The following FGD2 variants were observed in gnomAD, a reference collection of about 807,000 sequenced individuals.
The protein encoded by FGD2 is FYVE, RhoGEF and PH domain containing 2.
In FGD2, 52 loss-of-function variants were observed where a neutral mutation model predicts 75.9. That is an observed-to-expected ratio of 0.69 (90% CI 0.55 to 0.86). The LOEUF is 0.86. FGD2 is among the 40% of genes least tolerant of loss of function. FGD2 has a pLI of 0.00. For missense variants in FGD2, 790 were observed against 872.0 expected, an observed-to-expected ratio of 0.91 and a Z score of 1.18; for synonymous variants, 347 against 348.6, an observed-to-expected ratio of 1.00 and a Z score of 0.05.
rs181839126 is a variant in FGD2, at chr6:37,011,825, C to G, written c.498C>G (p.Leu166=). 5 of 1,614,106 alleles carry G rather than the reference C, an allele frequency of 3.1e-6. No individual in the cohort carries two copies. In the East Asian group the frequency reaches 8.9e-5, roughly 29 times the overall value. The change falls in exon 4 of 16, where the codon CTC becomes CTG. Residue 166 remains leucine (L), a synonymous_variant. Coordinates refer to ENST00000274963, the MANE Select transcript of FGD2 (RefSeq NM_173558.4). ...SIYQFHSQFF[L]PELQRRLDDW... ...ATCAGTTCCATTCTCAGTTCTTCCTCCCAGAGCTGCAGCGGCGCCTGGACG... is the reference window on the plus strand; with the variant it reads ...ATCAGTTCCATTCTCAGTTCTTCCTGCCAGAGCTGCAGCGGCGCCTGGACG...
chr6:37,020,513 G>A (rs752026530), intron 9 of FGD2, 28 bp from the exon 10 acceptor site: 1 of 1,586,852 alleles, frequency 6.3e-7, no homozygotes, highest in Non-Finnish European at 8.6e-7. Flanking sequence ...TGATGAGTCT[G>A]AACTGGTTGC....
chr6:37,021,443 G>C lies in FGD2; in HGVS notation c.1234-69G>C, dbSNP rs532111923. Reference sequence around the variant, plus strand: ...AGCCCTGTCTGTTGCATGCACGGAAGGATGGACAGAGGAGCAATCCCTCCC... The same window carrying C: ...AGCCCTGTCTGTTGCATGCACGGAACGATGGACAGAGGAGCAATCCCTCCC... On this transcript the variant is annotated intron_variant, in intron 11 of 15. Coordinates refer to ENST00000274963, the MANE Select transcript of FGD2 (RefSeq NM_173558.4). 1.3e-4 allele frequency: 184 copies of C among 1,395,090 alleles called. No individual in the cohort carries two copies. The African/African-American group carries it at 2.4e-3, about 18-fold the overall frequency. 86.4% of individuals were successfully genotyped at this position (1,395,090 alleles called of 1,614,324 possible). A position where few individuals can be genotyped will look rare whatever the true frequency, so the allele number is the denominator to read the frequency against.
At position 37,014,740 on chromosome 6, in the gene FGD2, C is replaced by G. The variant is rs753657573; in HGVS notation, c.882+36C>G. 2.5e-6 allele frequency: 4 copies of G among 1,613,334 alleles called. No individual in the cohort carries two copies. The East Asian group carries it at 8.9e-5, about 36-fold the overall frequency. On this transcript the variant is annotated intron_variant, in intron 7 of 15. Coordinates refer to ENST00000274963, the MANE Select transcript of FGD2 (RefSeq NM_173558.4). The stretch of plus-strand genomic sequence containing the variant: ...CGCCCTCTCCTGGAGCCCTGTCCCC[C>G]TCCCTGCAGGTCTCAGCCTGGTCCC...
intron 2 of FGD2, chr6:37,009,671 T>G (rs1223226071): frequency 6.6e-6 from 1 of 152,210 alleles, no homozygotes; most frequent in Non-Finnish European, 1.5e-5. Flanking sequence ...GGATAGTGGT[T>G]ATAGTAATGC....
chr6:37,027,738 A>G (rs2150786599), intron 15 of FGD2, 163 bp downstream of exon 15: 1 of 1,097,718 alleles, frequency 9.1e-7, no homozygotes, highest in Non-Finnish European at 1.3e-6. Flanking sequence ...TAGGTTTCAG[A>G]ATTGTGCCCT....
Position 37,008,102 on chromosome 6 carries a change from C to T in FGD2, c.69-732C>T, listed in dbSNP as rs532809740. ...ATATGGGTAATGAAAACCTTTCTCA[C>T]GGAGTTTTGGAGATTTCGTATTTGT... On this transcript the variant is annotated intron_variant, in intron 1 of 15. Transcript: ENST00000274963. Among the ~76,000 whole-genome samples, 5 of 152,306 alleles carry T rather than the reference C, an allele frequency of 3.3e-5. 1 individual carries two copies. Among genetic ancestry groups the T allele is most frequent in the South Asian group, 2.1e-4 (1 of 4,824 alleles).
chr6:37,015,030 C>T lies in FGD2; in HGVS notation c.1021C>T (p.Leu341Phe), dbSNP rs371611799. ...FRRNDPMERYLFLFNNMLLYC... is the reference protein window; with the variant it reads ...FRRNDPMERYFFLFNNMLLYC... ...CCGCAACGACCCCATGGAGCGCTAC[C>T]TTTTCTTGGTAAGAGGGTGCTGGGA... Residue 341 changes from leucine to phenylalanine, a missense_variant, in exon 8 of 16, where the codon CTT becomes TTT. By Grantham distance (22) the Leu-to-Phe change is conservative. Transcript: ENST00000274963. 1 of 1,613,368 alleles carries T rather than the reference C, an allele frequency of 6.2e-7. No homozygotes were observed.
chr6:37,006,034 G>A, intron 1 of FGD2, 149 bp downstream of exon 1: 1 of 882,622 alleles, frequency 1.1e-6, no homozygotes, highest in Non-Finnish European at 1.8e-6. Context: ...TTGGAGCATG[G>A]GAGAGTGTCG....
chr6:37,009,761 C>T (rs2150768134), intron 2 of FGD2: 1 of 152,352 alleles, frequency 6.6e-6, no homozygotes, highest in Non-Finnish European at 1.5e-5. Context: ...CGCCTGTAAT[C>T]CCAGCACTTT....
Position 37,014,669 on chromosome 6 carries a change from G to A in FGD2, c.847G>A (p.Ala283Thr). 1 of 1,614,024 alleles carries A rather than the reference G, an allele frequency of 6.2e-7. No individual in the cohort carries two copies. The highest frequency in any genetic ancestry group is 8.5e-7 in the Non-Finnish European group (1 of 1,179,998). ...AQKALDMIFS[A>T]AQHSNAAITE... is the part of the protein sequence containing the mutation. Reference sequence around the variant, plus strand: ...AGAAGCCCTGGACATGATCTTCTCAGCTGCCCAGCACTCCAATGCAGCCAT... The same window carrying A: ...AGAAGCCCTGGACATGATCTTCTCAACTGCCCAGCACTCCAATGCAGCCAT... The change falls in exon 7 of 16, where the codon GCT becomes ACT. Residue 283 changes from alanine to threonine, a missense_variant. By Grantham distance (58) the Ala-to-Thr change is moderately conservative. Transcript: ENST00000274963.
Position 37,028,246 on chromosome 6 carries a change from C to A in FGD2, c.*83C>A, listed in dbSNP as rs1252851198. ...CAGACTGACCCTGTGGCCTCAGTGA[C>A]CCACTGCCCCAAGTGGTGCTTTCAG... On this transcript the variant is annotated 3_prime_UTR_variant, in exon 16 of 16. Coordinates refer to ENST00000274963, the MANE Select transcript of FGD2 (RefSeq NM_173558.4). 1 of 1,304,344 alleles carries A rather than the reference C, an allele frequency of 7.7e-7. No homozygotes were observed. The highest frequency in any genetic ancestry group is 1.0e-6 in the Non-Finnish European group (1 of 975,790). 80.8% of individuals were successfully genotyped at this position (1,304,344 alleles called of 1,614,324 possible).
chr6:37,012,569 G>A (rs145436428), intron 4 of FGD2, among the ~76,000 whole-genome samples: 2 of 151,920 alleles, frequency 1.3e-5, no homozygotes, highest in African/African-American at 4.8e-5. Flanking sequence ...AAACTTAGCC[G>A]GGCATGGTAG....
intron 6 of FGD2, 184 bp downstream of exon 6, chr6:37,014,284 G>T (rs1765168878): frequency 2.6e-6 from 2 of 759,648 alleles, no homozygotes; most frequent in South Asian, 3.8e-5. Context: ...GCCCAGAGAG[G>T]TTTAGTGACT....
At chr6:37,019,070 A>G (rs1255700030) in intron 9 of FGD2, among the ~76,000 whole-genome samples, 3 of 152,044 alleles carry the variant, frequency 2.0e-5, no homozygotes, top group Admixed American at 6.6e-5. Context: ...AAAGCATGAT[A>G]TTTCTTCCTG....
intron 1 of FGD2, 42 bp downstream of exon 1, chr6:37,005,927 C>A (rs772718499): frequency 1.3e-6 from 2 of 1,596,914 alleles, no homozygotes; most frequent in Middle Eastern, 3.7e-4. Context: ...GGTGGGCTGG[C>A]AGCCACCCTC....
rs1278844736 is a variant in FGD2 at position 37,009,087 on chromosome 6, G to A, written c.300+22G>A. ...GCAGGTGCCTGAGGGCTGAGGTAGA[G>A]GTGTGGGGTGCTGGGGTGGGGAGCT... On this transcript the variant is annotated intron_variant, in intron 2 of 15. Coordinates refer to ENST00000274963, the MANE Select transcript of FGD2 (RefSeq NM_173558.4). The A allele has an allele frequency of 3.7e-6, 6 of 1,608,290 alleles. No individual in the cohort carries two copies. The South Asian group carries it at 6.6e-5, about 18-fold the overall frequency.
intron 14 of FGD2, among the ~76,000 whole-genome samples, chr6:37,026,864 C>T (rs919517643): frequency 4.6e-5 from 7 of 151,948 alleles, no homozygotes; most frequent in East Asian, 1.9e-4. Flanking sequence ...AAAAATCAGC[C>T]GGGCATGGTG....
intron 9 of FGD2, among the ~76,000 whole-genome samples, chr6:37,019,645 G>A (rs770246978): frequency 2.6e-4 from 39 of 152,152 alleles, no homozygotes; most frequent in Non-Finnish European, 5.0e-4. Context: ...GACTCTGGGG[G>A]TAGGATGGAA....
intron 4 of FGD2, chr6:37,013,384 T>C: frequency 1.5e-6 from 2 of 1,319,106 alleles, no homozygotes; most frequent in Non-Finnish European, 2.0e-6. Flanking sequence ...CCGGGCCTTG[T>C]GGATGAGGCC....
Sources: gnomAD v4.1 joint callset for allele counts (sites outside exome capture counted in the v4.1 genomes callset) on GRCh38, gnomAD v4.1.1 for gene constraint, MANE v1.5 for transcripts, NCBI Gene and HGNC (gene_info 2026-07-23, HGNC 2026-07-21) for gene names.